LRRK2: variants seen among roughly 807,000 people sequenced by gnomAD.
LRRK2 encodes the protein leucine-rich repeat serine/threonine-protein kinase 2.
A neutral mutation model predicts 302.6 loss-of-function variants in LRRK2; 203 were observed. The ratio of observed to expected loss-of-function variants is 0.67; its 90% CI spans 0.60 to 0.75. LRRK2 has a LOEUF of 0.75. LRRK2 is among the 30% of genes least tolerant of loss of function. The pLI is 0.00. For synonymous variants in LRRK2, 1,066 were observed against 1,031.9 expected (o/e 1.03, Z -0.63); for missense variants, 2,830 against 2,951.0 (o/e 0.96, Z 0.95).
chr12:40,309,301 T>C, intron 30 of LRRK2, 68 bp downstream of exon 30: 1 of 1,556,676 alleles, frequency 6.4e-7, no homozygotes, highest in Non-Finnish European at 8.7e-7. Flanking sequence ...TGTGTGTGTG[T>C]GTAAGTTAAT....
At chr12:40,276,318 C>CAAA (rs1207460991) in intron 16 of LRRK2, among the ~76,000 whole-genome samples, 1 of 152,134 alleles carries the variant, frequency 6.6e-6, no homozygotes, top group Non-Finnish European at 1.5e-5. Context: ...TTTTTTGAGA[C>CAAA]AGAGTCTCAC....
At chr12:40,330,753 C>A (rs1945689998) in intron 39 of LRRK2, among the ~76,000 whole-genome samples, 1 of 152,108 alleles carries the variant, frequency 6.6e-6, no homozygotes. Context: ...CTTATCATTG[C>A]TCCAAGAGTA....
chr12:40,365,931 T>C (rs771306558), intron 49 of LRRK2: 1 of 151,996 alleles, frequency 6.6e-6, no homozygotes, highest in Non-Finnish European at 1.5e-5. Context: ...AGTAGGTCTC[T>C]CAATAGGTTG....
intron 45 of LRRK2, 58 bp downstream of exon 45, chr12:40,354,550 T>C: frequency 6.9e-7 from 1 of 1,441,848 alleles, no homozygotes; most frequent in South Asian, 1.2e-5. Flanking sequence ...GACTGAATTG[T>C]GTGCATAATT....
intron 3 of LRRK2, among the ~76,000 whole-genome samples, chr12:40,234,472 G>C (rs1303073196): frequency 6.8e-6 from 1 of 147,424 alleles, no homozygotes; most frequent in African/African-American, 2.5e-5. Context: ...TCTGTGTCCC[G>C]GGTTCAAGTG....
chr12:40,295,723 G>C, intron 23 of LRRK2, 79 bp downstream of exon 23: 1 of 1,362,802 alleles, frequency 7.3e-7, no homozygotes, highest in Non-Finnish European at 1.0e-6. Context: ...TAATTAAGTC[G>C]TTTAAAAGAA....
chr12:40,249,975 T>TA, intron 8 of LRRK2, 30 bp downstream of exon 8: 1 of 1,611,980 alleles, frequency 6.2e-7, no homozygotes, highest in South Asian at 1.1e-5. Flanking sequence ...AGGGGATTCT[T>TA]ACAGAGGCAT....
intron 21 of LRRK2, among the ~76,000 whole-genome samples, chr12:40,294,132 C>CT (rs1186032972): frequency 1.4e-4 from 21 of 149,212 alleles, no homozygotes; most frequent in African/African-American, 3.9e-4. Context: ...ATCTATCTAT[C>CT]ATCTATCTAT....
At chr12:40,355,543 T>TCCTCC (rs552326490) in intron 45 of LRRK2, among the ~76,000 whole-genome samples, 1 of 89,822 alleles carries the variant, frequency 1.1e-5, no homozygotes. Context: ...CTTCCTTCCT[T>TCCTCC]CTTCTTTTTT....
intron 11 of LRRK2, among the ~76,000 whole-genome samples, chr12:40,255,417 G>A (rs868308183): frequency 5.3e-5 from 8 of 152,126 alleles, no homozygotes; most frequent in South Asian, 2.1e-4. Flanking sequence ...AGAGTATTAC[G>A]TAGATAGCTG....
chr12:40,328,328 A>G (rs1380041758), intron 38 of LRRK2, 32 bp from the exon 39 acceptor site: 1 of 1,564,840 alleles, frequency 6.4e-7, no homozygotes, highest in South Asian at 1.1e-5. Flanking sequence ...TGGACAGCTT[A>G]ATTTAAGTGC....
intron 28 of LRRK2, among the ~76,000 whole-genome samples, chr12:40,307,658 C>T (rs997242889): frequency 2.6e-5 from 4 of 151,766 alleles, no homozygotes; most frequent in Admixed American, 6.6e-5. Flanking sequence ...TATAATGTAA[C>T]TAATATGACC....
rs1943532621 is a variant in LRRK2 at position 40,277,996 on chromosome 12, A to G, written c.2050A>G (p.Met684Val). The G allele has an allele frequency of 2.5e-6, 4 of 1,613,722 alleles. No individual in the cohort carries two copies. The highest frequency in any genetic ancestry group is 2.2e-5 in the East Asian group (1 of 44,844). Residue 684 changes from methionine to valine, a missense_variant, in exon 17 of 51, where the codon ATG becomes GTG. By Grantham distance (21) the Met-to-Val change is conservative (BLOSUM62 1). Coordinates refer to ENST00000298910, the MANE Select transcript of LRRK2 (RefSeq NM_198578.4). The stretch of plus-strand genomic sequence containing the variant: ...ATTCCATCAAATGTCTTCCAATATC[A>G]TGGAACAAAAGGATCAACAGGTACA... ...VIFHQMSSNI[M>V]EQKDQQFLNL...
rs28365215 is a variant in LRRK2 at position 40,240,674 on chromosome 12, C to A, written c.706+57C>A. 9.6e-5 allele frequency: 140 copies of A among 1,460,310 alleles called. No homozygotes were observed. The East Asian group carries it at 3.2e-3, about 34-fold the overall frequency. The allele number at this position is 1,460,310 out of a possible 1,614,324, so 90.5% of individuals were successfully genotyped here. ...GTATCTGAAAAATTACAATATATCTCATTCTGAGTATATTTTAACAATATT... is the reference window on the plus strand; with the variant it reads ...GTATCTGAAAAATTACAATATATCTAATTCTGAGTATATTTTAACAATATT... On this transcript the variant is annotated intron_variant, in intron 6 of 50. Transcript: ENST00000298910.
At chr12:40,305,078 C>A (rs1944768900) in intron 27 of LRRK2, 1 of 152,136 alleles carries the variant, frequency 6.6e-6, no homozygotes, top group African/African-American at 2.4e-5. Flanking sequence ...CCTAATGGAT[C>A]AACCTTTTTT....
At chr12:40,315,071 G>T (rs1211796073) in intron 32 of LRRK2, 141 bp from the exon 33 acceptor site, 5 of 724,150 alleles carry the variant, frequency 6.9e-6, no homozygotes. Flanking sequence ...AGGATGCACA[G>T]CTTCTAGTCC....
At chr12:40,279,454 T>A (rs1204391632) in intron 18 of LRRK2, among the ~76,000 whole-genome samples, 1 of 152,162 alleles carries the variant, frequency 6.6e-6, no homozygotes, top group Non-Finnish European at 1.5e-5. Context: ...ACAATTAAAA[T>A]AGTTGCTCCG....
Position 40,298,438 on chromosome 12 carries a change from G to A in LRRK2, c.3292G>A (p.Val1098Ile). The change falls in exon 24 of 51, where the codon GTA becomes ATA. Residue 1098 changes from valine to isoleucine, a missense_variant. Val to Ile is a conservative substitution (Grantham distance 29). Transcript: ENST00000298910. ...CCTGTCATATAACCAGCTGTCTTTT[G>A]TACCTGAGAACCTCACTGATGTGGT... ...FNLSYNQLSF[V>I]PENLTDVVEK... 3 of 1,613,864 alleles carry A rather than the reference G, an allele frequency of 1.9e-6. No individual in the cohort carries two copies. The highest frequency in any genetic ancestry group is 2.5e-6 in the Non-Finnish European group (3 of 1,179,966).
chr12:40,282,189 C>CTCCT (rs148321147), intron 18 of LRRK2, among the ~76,000 whole-genome samples: 3,712 of 138,772 alleles, frequency 0.027, 193 homozygotes, highest in Admixed American at 0.1. Context: ...CCTTCCCCTT[C>CTCCT]TCCTTCCTTC....
Sources: gnomAD v4.1 joint callset for allele counts (sites outside exome capture counted in the v4.1 genomes callset) on GRCh38, gnomAD v4.1.1 for gene constraint, MANE v1.5 for transcripts, NCBI Gene and HGNC (gene_info 2026-07-23, HGNC 2026-07-21) for gene names.